Variants in SOX5 observed in about 807,000 individuals in gnomAD.
The protein encoded by SOX5 is transcription factor SOX-5.
In SOX5, 9 loss-of-function variants were observed where a neutral mutation model predicts 92.0. The observed-to-expected ratio is 0.10, with a 90% CI of 0.06 to 0.17. The LOEUF is 0.17. Among genes scored for constraint, SOX5 ranks in the 10% least tolerant of loss-of-function variants. The pLI, the probability that SOX5 is intolerant of heterozygous loss-of-function variation, is 1.00. For synonymous variants in SOX5, 344 were observed against 336.3 expected, an observed-to-expected ratio of 1.02 and a Z score of -0.25; for missense variants, 642 against 944.5, an observed-to-expected ratio of 0.68 and a Z score of 4.20.
intron 4 of SOX5, among the ~76,000 whole-genome samples, chr12:24,114,573 CAAAAAAAAAAAA>C (rs55913110): frequency 1.3e-3 from 53 of 40,596 alleles, no homozygotes; most frequent in African/African-American, 2.9e-3. Context: ...CACCCCGTCA[CAAAAAAAAAAAA>C]AAAAAAAAAA....
intron 9 of SOX5, among the ~76,000 whole-genome samples, chr12:23,601,793 C>G (rs897955859): frequency 2.0e-5 from 3 of 152,046 alleles, no homozygotes; most frequent in African/African-American, 7.2e-5. Context: ...AAAATGACAA[C>G]AGTATTACTT....
chr12:23,824,421 CCT>C (rs913903990), intron 3 of SOX5, among the ~76,000 whole-genome samples: 3 of 152,132 alleles, frequency 2.0e-5, no homozygotes, highest in African/African-American at 7.2e-5. Context: ...CACTCCAGAC[CCT>C]GTTTGCCTGG....
chr12:24,113,332 G>C (rs893272811), intron 4 of SOX5, among the ~76,000 whole-genome samples: 3 of 149,386 alleles, frequency 2.0e-5, no homozygotes, highest in Non-Finnish European at 4.4e-5. Context: ...AGAGGTAAAT[G>C]TTATTTTGAA....
At chr12:24,095,216 G>GA (rs999861948) in intron 4 of SOX5, among the ~76,000 whole-genome samples, 7 of 150,020 alleles carry the variant, frequency 4.7e-5, no homozygotes, top group African/African-American at 9.8e-5. Context: ...AATTATTGCA[G>GA]AAAAAAATGG....
intron 3 of SOX5, among the ~76,000 whole-genome samples, chr12:23,775,026 C>T (rs142048415): frequency 1.2e-3 from 181 of 152,202 alleles, no homozygotes; most frequent in African/African-American, 3.0e-3. Flanking sequence ...GCATTTGTAA[C>T]GGCTATGACA....
At chr12:24,531,601 C>T (rs185489077) in intron 1 of SOX5, among the ~76,000 whole-genome samples, 52 of 152,248 alleles carry the variant, frequency 3.4e-4, no homozygotes, top group Middle Eastern at 6.8e-3. Flanking sequence ...ACTATATACT[C>T]ATTTCTCTGT....
chr12:24,169,546 G>A (rs1953824446), intron 4 of SOX5, among the ~76,000 whole-genome samples: 1 of 152,148 alleles, frequency 6.6e-6, no homozygotes, highest in Non-Finnish European at 1.5e-5. Context: ...TGTTTACAGG[G>A]CATTAGCATC....
At chr12:24,464,296 C>T (rs1331233871) in intron 1 of SOX5, among the ~76,000 whole-genome samples, 1 of 151,562 alleles carries the variant, frequency 6.6e-6, no homozygotes, top group East Asian at 1.9e-4. Flanking sequence ...TTTTCTCTTT[C>T]ACTACCACTA....
At chr12:23,983,860 A>G (rs12422702) in intron 4 of SOX5, among the ~76,000 whole-genome samples, 15,579 of 152,248 alleles carry the variant, frequency 0.1, 1,047 homozygotes, top group East Asian at 0.21. Flanking sequence ...CTCTAAATAT[A>G]TTTTAAGGTA....
intron 2 of SOX5, among the ~76,000 whole-genome samples, chr12:24,294,137 T>C (rs1277658944): frequency 1.3e-5 from 2 of 152,174 alleles, no homozygotes; most frequent in Non-Finnish European, 2.9e-5. Context: ...CCCACAGAAT[T>C]AGATCAAATG....
At chr12:23,725,403 C>A (rs2093058444) in intron 6 of SOX5, among the ~76,000 whole-genome samples, 1 of 152,132 alleles carries the variant, frequency 6.6e-6, no homozygotes, top group Non-Finnish European at 1.5e-5. Flanking sequence ...TGCAGGGGAA[C>A]TCCCCTTTAT....
In SOX5 at chr12:23,697,414, T is replaced by G. The variant is rs2090029576; in HGVS notation, c.811-31850A>C. Among the ~76,000 whole-genome samples the G allele has an allele frequency of 2.6e-5, 4 of 152,222 alleles. No homozygotes were observed. In the South Asian group the frequency reaches 8.3e-4, roughly 31 times the overall value. Reference sequence around the variant, plus strand: ...TTGATTAGTGTTAACTTGGTATATCTTTTTGCATTAACCTGTTTCTTTATA... The same window carrying G: ...TTGATTAGTGTTAACTTGGTATATCGTTTTGCATTAACCTGTTTCTTTATA... On this transcript the variant is annotated intron_variant, in intron 6 of 14. Transcript: ENST00000451604.
chr12:23,923,900 A>G (rs1044783723), intron 1 of SOX5, among the ~76,000 whole-genome samples: 16 of 152,174 alleles, frequency 1.1e-4, no homozygotes, highest in African/African-American at 3.9e-4. Context: ...AACCTTCTTT[A>G]ATCTTCAGAG....
intron 1 of SOX5, among the ~76,000 whole-genome samples, chr12:24,553,532 G>A (rs1055395695): frequency 6.6e-6 from 1 of 152,180 alleles, no homozygotes; most frequent in African/African-American, 2.4e-5. Flanking sequence ...CTCTGTTTCA[G>A]GCATTGTGAT....
chr12:24,427,765 G>A (rs1966857684), intron 1 of SOX5, among the ~76,000 whole-genome samples: 1 of 152,098 alleles, frequency 6.6e-6, no homozygotes, highest in Admixed American at 6.5e-5. Context: ...AAGACTAACA[G>A]GCAGAAATCC....
chr12:24,267,963 G>C (rs1367692433), intron 3 of SOX5, among the ~76,000 whole-genome samples: 1 of 152,128 alleles, frequency 6.6e-6, no homozygotes, highest in Non-Finnish European at 1.5e-5. Flanking sequence ...AAAAAAAACT[G>C]TACAGAAGAC....
At chr12:24,047,148 A>T (rs1483194682) in intron 4 of SOX5, among the ~76,000 whole-genome samples, 3 of 152,206 alleles carry the variant, frequency 2.0e-5, no homozygotes, top group Non-Finnish European at 4.4e-5. Flanking sequence ...ATCAAAAGAC[A>T]TGGTGAAAGA....
At chr12:24,553,835 A>G (rs1597886830) in intron 1 of SOX5, among the ~76,000 whole-genome samples, 1 of 152,252 alleles carries the variant, frequency 6.6e-6, no homozygotes, top group South Asian at 2.1e-4. Flanking sequence ...TAGAGGACCT[A>G]TGAAATTTCT....
At chr12:23,894,493 C>G (rs2097158652) in intron 2 of SOX5, among the ~76,000 whole-genome samples, 1 of 152,040 alleles carries the variant, frequency 6.6e-6, no homozygotes, top group African/African-American at 2.4e-5. Context: ...TCCCAAAGTG[C>G]TGGGATTACA....
Sources: allele counts gnomAD v4.1 joint callset (sites outside exome capture counted in the v4.1 genomes callset), GRCh38; gene constraint gnomAD v4.1.1; transcripts MANE v1.5; gene names NCBI Gene and HGNC (gene_info 2026-07-23, HGNC 2026-07-21).